BCCIP: variants seen among roughly 807,000 people sequenced by gnomAD.
BCCIP encodes the protein BRCA2 and CDKN1A interacting protein.
BCCIP carries 23 observed loss-of-function variants against 32.8 expected under a neutral mutation model. The observed-to-expected ratio is 0.70, with a 90% CI of 0.51 to 0.99. The LOEUF (loss-of-function observed/expected upper bound fraction) is 0.99. BCCIP is among the 50% of genes least tolerant of loss of function. The pLI is 0.00. For synonymous variants in BCCIP, 144 were observed against 137.6 expected (o/e 1.05, Z -0.33); for missense variants, 378 against 379.8 (o/e 1.00, Z 0.04).
chr10:125,847,769 G>T (rs933820196), downstream of BCCIP, among the ~76,000 whole-genome samples: 2 of 152,108 alleles, frequency 1.3e-5, no homozygotes, highest in African/African-American at 2.4e-5. Flanking sequence ...CCATCTGGGG[G>T]TGATGGGAGA....
At chr10:125,852,577 C>T in intron 7 of BCCIP, 2 of 1,613,826 alleles carry the variant, frequency 1.2e-6, no homozygotes, top group South Asian at 2.2e-5. Flanking sequence ...GCTTGCGTAT[C>T]TCTGCCTGGC....
chr10:125,853,402 GT>G, exon 8 of BCCIP: 1 of 411,854 alleles, frequency 2.4e-6, no homozygotes, highest in Non-Finnish European at 4.3e-6. Context: ...GAGATACCTT[GT>G]TTTCATTTTT....
chr10:125,838,404 T>G, downstream of BCCIP: 1 of 1,547,688 alleles, frequency 6.5e-7, no homozygotes, highest in South Asian at 1.2e-5. Flanking sequence ...GGCAGAATTT[T>G]AAAGAAAAAA....
At chr10:125,839,333 G>A, downstream of BCCIP, 1 of 788,022 alleles carries the variant, frequency 1.3e-6, no homozygotes, top group Non-Finnish European at 1.9e-6. Context: ...AAGGCAGCAA[G>A]GACAAGGATT....
rs200337015 is a variant in BCCIP, at chr10:125,823,577, G to A, written c.20G>A (p.Arg7Gln). The change falls in exon 1 of 7, where the codon CGG becomes CAG. Residue 7 changes from arginine (R) to glutamine (Q), a missense_variant. By Grantham distance (43) the Arg-to-Gln change is conservative. Transcript: ENST00000278100. The stretch of plus-strand genomic sequence containing the variant: ...GGCAACATGGCGTCCAGGTCTAAGC[G>A]GCGTGCCGTGGAAAGTGGGGTTCCG... MASRSKRRAVESGVPQP... is the reference protein window; with the variant it reads MASRSKQRAVESGVPQP... The A allele has an allele frequency of 3.1e-6, 5 of 1,613,956 alleles. No individual in the cohort carries two copies. The African/African-American group carries it at 4.0e-5, about 13-fold the overall frequency.
intron 5 of BCCIP, among the ~76,000 whole-genome samples, chr10:125,832,877 G>A (rs1854557373): frequency 6.6e-6 from 1 of 150,772 alleles, no homozygotes; most frequent in Non-Finnish European, 1.5e-5. Flanking sequence ...CACTTTGGGA[G>A]GCCGAAGCTG....
intron 7 of BCCIP, among the ~76,000 whole-genome samples, chr10:125,851,813 TG>T (rs1280166163): frequency 6.6e-6 from 1 of 150,580 alleles, no homozygotes; most frequent in East Asian, 2.0e-4. Context: ...CCCAGCTATT[TG>T]GGAAGCTGTG....
downstream of BCCIP, among the ~76,000 whole-genome samples, chr10:125,843,749 TCCAGTCCTGCTGGAGGACAGCGGAG>T (rs1472715518): frequency 6.6e-6 from 1 of 152,120 alleles, no homozygotes; most frequent in Non-Finnish European, 1.5e-5. Context: ...CTACCACACC[TCCAGTCCTGCTGGAGGACAGCGGAG>T]CCAGCACCAG....
downstream of BCCIP, chr10:125,838,184 CT>C (rs762805689): frequency 6.5e-7 from 1 of 1,545,902 alleles, no homozygotes; most frequent in Non-Finnish European, 8.7e-7. Context: ...AAATACAACC[CT>C]TTCTTCTCCA....
Position 125,836,504 on chromosome 10 carries a change from G to A in BCCIP, c.*230G>A, listed in dbSNP as rs543896966. The stretch of plus-strand genomic sequence containing the variant: ...CCAAGAAGAAGAAAAGCATGGAGTA[G>A]TAATTTAAAGAACTCAATAAAAACT... On this transcript the variant is annotated 3_prime_UTR_variant, in exon 7 of 7. Coordinates refer to ENST00000278100, the MANE Select transcript of BCCIP (RefSeq NM_078468.3). 3,553 of 1,352,192 alleles carry A rather than the reference G, an allele frequency of 2.6e-3. 4 individuals are homozygous for A. The highest frequency in any genetic ancestry group is 3.0e-3 in the Non-Finnish European group (3,101 of 1,039,100). 83.8% of individuals were successfully genotyped at this position (1,352,192 alleles called of 1,614,324 possible).
chr10:125,836,857 T>C, downstream of BCCIP: 1 of 1,613,710 alleles, frequency 6.2e-7, no homozygotes, highest in Non-Finnish European at 8.5e-7. Context: ...TGCATAAATC[T>C]GTTTATTTAA....
At chr10:125,851,937 A>AAAAAG (rs796600155) in intron 7 of BCCIP, among the ~76,000 whole-genome samples, 2 of 151,252 alleles carry the variant, frequency 1.3e-5, no homozygotes, top group African/African-American at 2.4e-5. Context: ...AAAAAAAAAA[A>AAAAAG]AAAAGAAAAG....
At chr10:125,839,110 A>G (rs1854791959), downstream of BCCIP, 1 of 1,614,248 alleles carries the variant, frequency 6.2e-7, no homozygotes. Context: ...AATTTCTAAG[A>G]GTTCAGCTCG....
chr10:125,847,090 A>C (rs1404997871), downstream of BCCIP, among the ~76,000 whole-genome samples: 1 of 152,182 alleles, frequency 6.6e-6, no homozygotes, highest in African/African-American at 2.4e-5. Context: ...AAAAGAGTCC[A>C]CAGGGGGAGA....
rs767665746 is a variant in BCCIP, at chr10:125,831,417, T to A, written c.412-3T>A. On this transcript the variant is annotated splice_region_variant and splice_polypyrimidine_tract_variant and intron_variant, in intron 4 of 6. Transcript: ENST00000278100. ...GGAAACAAGCTTTCTCTTTGCTTTC[T>A]AGGGTACCCAGTGTGTTGAACAAAT... is the stretch of plus-strand genomic sequence containing the variant. 1 of 1,611,258 alleles carries A rather than the reference T, an allele frequency of 6.2e-7. No homozygotes were observed. The highest frequency in any genetic ancestry group is 8.5e-7 in the Non-Finnish European group (1 of 1,178,120).
At chr10:125,831,349 C>A in intron 4 of BCCIP, 71 bp from the exon 5 acceptor site, 1 of 1,462,148 alleles carries the variant, frequency 6.8e-7, no homozygotes, top group Non-Finnish European at 9.3e-7. Flanking sequence ...AAAGTGATAG[C>A]TTTTACTCTC....
chr10:125,828,425 C>G (rs540977821), intron 3 of BCCIP, among the ~76,000 whole-genome samples: 41 of 152,064 alleles, frequency 2.7e-4, no homozygotes, highest in Non-Finnish European at 5.3e-4. Context: ...AGGGAAGGGA[C>G]AGACACCTTA....
At chr10:125,841,680 C>A in exon 7 of BCCIP, 1 of 1,561,738 alleles carries the variant, frequency 6.4e-7, no homozygotes, top group Non-Finnish European at 8.6e-7. Context: ...CAAATGGATC[C>A]GATCTAAATC....
At chr10:125,829,307 CAT>C (rs1198362625) in intron 3 of BCCIP, among the ~76,000 whole-genome samples, 2 of 152,230 alleles carry the variant, frequency 1.3e-5, no homozygotes, top group Admixed American at 6.5e-5. Context: ...TGGCAGCTGA[CAT>C]GTGCTACATA....
Sources: gnomAD v4.1 joint callset for allele counts (sites outside exome capture counted in the v4.1 genomes callset) on GRCh38, gnomAD v4.1.1 for gene constraint, MANE v1.5 for transcripts, NCBI Gene and HGNC (gene_info 2026-07-23, HGNC 2026-07-21) for gene names.